The following PACS2 variants were observed in gnomAD, a reference collection of about 807,000 sequenced individuals.
PACS2 encodes the protein PACS1-like protein.
Under a neutral mutation model 113.0 loss-of-function variants are expected in PACS2, and 36 were observed. The observed-to-expected ratio is 0.32, with a 90% CI of 0.24 to 0.42. PACS2 has a LOEUF of 0.42. PACS2 is among the 10% of genes least tolerant of loss of function. The pLI is 1.00. For synonymous variants in PACS2, 589 were observed against 536.1 expected, an observed-to-expected ratio of 1.10 and a Z score of -1.36; for missense variants, 1,015 against 1,239.5, an observed-to-expected ratio of 0.82 and a Z score of 2.72.
chr14:105,384,375 C>T lies in PACS2; in HGVS notation c.1803C>T (p.Tyr601=). The T allele has an allele frequency of 6.2e-7, 1 of 1,611,654 alleles. No individual in the cohort carries two copies. The highest frequency in any genetic ancestry group is 8.5e-7 in the Non-Finnish European group (1 of 1,179,356). Residue 601 remains tyrosine, a synonymous_variant, in exon 17 of 25, where the codon TAC becomes TAT. Transcript: ENST00000447393. ...IPLGSHPVAR[Y]LGSVDYRYNN... ...CAGGCTCCCACCCCGTGGCCAGGTA[C>T]CTAGGCTCCGTGGACTACCGCTACA...
At position 105,365,098 on chromosome 14, in the gene PACS2, G is replaced by A. The variant is rs1289870952; in HGVS notation, c.424-2115G>A. 6.6e-6 allele frequency among the ~76,000 whole-genome samples: 1 copy of A among 152,226 alleles called. No homozygotes were observed. Among genetic ancestry groups the A allele is most frequent in the African/African-American group, 2.4e-5 (1 of 41,472 alleles). The stretch of plus-strand genomic sequence containing the variant: ...CTGGGCCCTGGGGCCACCCTCCCTG[G>A]TGAGGCAGCTCCAGCCCTTTGCTGA... On this transcript the variant is annotated intron_variant, in intron 4 of 24. Transcript: ENST00000447393. The surrounding 1 kb of genome is among the most constrained non-coding windows in gnomAD (Gnocchi z 5.1).
At chr14:105,313,067 G>A (rs935653885), upstream of PACS2, among the ~76,000 whole-genome samples, 2 of 152,190 alleles carry the variant, frequency 1.3e-5, no homozygotes, top group Non-Finnish European at 2.9e-5. Flanking sequence ...GCTCAATGGT[G>A]GCAGCTGGTG....
Position 105,348,577 on chromosome 14 carries a change from G to T in PACS2, c.204G>T (p.Met68Ile). 1 of 1,608,394 alleles carries T rather than the reference G, an allele frequency of 6.2e-7. No homozygotes were observed. The highest frequency in any genetic ancestry group is 1.1e-5 in the South Asian group (1 of 91,004). Reference protein sequence around the residue: ...ELISVVIAVKMQGSKRILRSH... With the variant: ...ELISVVIAVKIQGSKRILRSH... Reference sequence around the variant, plus strand: ...TCTCCGTGGTGATCGCTGTCAAGATGCAGGTGAGGCCGCTTGTGACCCCGG... The same window carrying T: ...TCTCCGTGGTGATCGCTGTCAAGATTCAGGTGAGGCCGCTTGTGACCCCGG... Residue 68 changes from methionine (M) to isoleucine (I), a missense_variant, in exon 2 of 25, where the codon ATG becomes ATT. Coordinates refer to ENST00000447393, the MANE Select transcript of PACS2 (RefSeq NM_001100913.3). This position sits in a 1 kb window ranked among gnomAD's most constrained non-coding sequence, Gnocchi z 6.4.
Position 105,365,280 on chromosome 14 carries a change from T to C in PACS2, c.424-1933T>C, listed in dbSNP as rs1276030670. ...GCCCAGCTCAGGGGTGGCTGGCCCC[T>C]TGGCAGGAGGACGCACGCCCCAAGG... On this transcript the variant is annotated intron_variant, in intron 4 of 24. Transcript: ENST00000447393. The surrounding 1 kb of genome is among the most constrained non-coding windows in gnomAD (Gnocchi z 5.1). Among the ~76,000 whole-genome samples the C allele has an allele frequency of 6.6e-6, 1 of 152,172 alleles. No homozygotes were observed. The highest frequency in any genetic ancestry group is 1.5e-5 in the Non-Finnish European group (1 of 68,018).
chr14:105,383,623 G>T, intron 16 of PACS2, 110 bp downstream of exon 16: 3 of 972,106 alleles, frequency 3.1e-6, no homozygotes, highest in Non-Finnish European at 4.5e-6. Context: ...GGCGTGGCGC[G>T]GTGTGTCGTG....
rs199981841 is a variant in PACS2 at position 105,391,257 on chromosome 14, C to T, written c.2119+8C>T. The T allele has an allele frequency of 1.7e-5, 27 of 1,609,460 alleles. No individual in the cohort carries two copies. Among genetic ancestry groups the T allele is most frequent in the African/African-American group, 1.5e-4 (11 of 74,980 alleles). On this transcript the variant is annotated splice_region_variant and intron_variant, in intron 21 of 24. Transcript: ENST00000447393. ...CATCCTCGGCCACATCAGGTAACCC[C>T]GTCCCACCCTGAGGCCTTGTGAGTG...
intron 4 of PACS2, among the ~76,000 whole-genome samples, chr14:105,363,257 G>T (rs2060801247): frequency 6.6e-6 from 1 of 152,158 alleles, no homozygotes; most frequent in Non-Finnish European, 1.5e-5. Flanking sequence ...AAGCTTTGAG[G>T]CCAGGCATCG....
intron 24 of PACS2, chr14:105,394,322 C>T (rs1045450827): frequency 8.0e-5 from 79 of 985,182 alleles, no homozygotes; most frequent in Non-Finnish European, 9.3e-5. Flanking sequence ...CTGCCCTCCC[C>T]ACCCCCCAGG....
intron 11 of PACS2, among the ~76,000 whole-genome samples, chr14:105,380,622 G>A (rs782310371): frequency 5.9e-5 from 9 of 152,066 alleles, no homozygotes; most frequent in East Asian, 1.9e-4. Flanking sequence ...CAGGGCCCCC[G>A]GACTCCCCCC....
chr14:105,382,852 A>G lies in PACS2; in HGVS notation c.1564A>G (p.Thr522Ala), dbSNP rs587696332. The change falls in exon 15 of 25, where the codon ACG becomes GCG. Residue 522 changes from threonine to alanine, a missense_variant. This residue lies in a region of PACS2 where 859 missense variants were observed against 1,056.8 expected (regional missense o/e 0.81). Transcript: ENST00000447393. ...GAGGCACACGCTCCCCGTGGTGTGC[A>G]CGTGCTCTCCTGCGGACGTCCAGGC... The part of the protein sequence containing the change: ...LQRHTLPVVC[T>A]CSPADVQAAF... 1 of 1,607,670 alleles carries G rather than the reference A, an allele frequency of 6.2e-7. No individual in the cohort carries two copies. Among genetic ancestry groups the G allele is most frequent in the East Asian group, 2.2e-5 (1 of 44,880 alleles).
At chr14:105,387,542 T>C (rs3935441) in intron 19 of PACS2, among the ~76,000 whole-genome samples, 7,792 of 152,032 alleles carry the variant, frequency 0.051, 651 homozygotes, top group African/African-American at 0.18. Flanking sequence ...TCCACAGACA[T>C]GTGTGTGCCT....
chr14:105,387,072 G>A (rs1401197253), intron 19 of PACS2, among the ~76,000 whole-genome samples: 3 of 152,198 alleles, frequency 2.0e-5, no homozygotes, highest in Non-Finnish European at 2.9e-5. Context: ...TTGCAGGGGT[G>A]ACACTGGCTG....
Position 105,382,870 on chromosome 14 carries a change from G to T in PACS2, c.1582G>T (p.Val528Phe). ...GGTGTGCACGTGCTCTCCTGCGGAC[G>T]TCCAGGCGGCCTTCAGCACCATCGT... ...PVVCTCSPADVQAAFSTIVSR... is the reference protein window; with the variant it reads ...PVVCTCSPADFQAAFSTIVSR... The change falls in exon 15 of 25, where the codon GTC becomes TTC. Residue 528 changes from valine (V) to phenylalanine (F), a missense_variant. By Grantham distance (50) the Val-to-Phe change is conservative. This residue lies in a region of PACS2 where 859 missense variants were observed against 1,056.8 expected (regional missense o/e 0.81). Coordinates refer to ENST00000447393, the MANE Select transcript of PACS2 (RefSeq NM_001100913.3). The T allele has an allele frequency of 6.2e-7, 1 of 1,607,346 alleles. No homozygotes were observed.
Position 105,394,983 on chromosome 14 carries a change from T to C in PACS2, c.*311T>C. ...GAGCCTCACAGGCTGAGTTCTTGCC[T>C]CTGTGTCCTGTCCTTCCTGGAAGTC... On this transcript the variant is annotated 3_prime_UTR_variant, in exon 25 of 25. Coordinates refer to ENST00000447393, the MANE Select transcript of PACS2 (RefSeq NM_001100913.3). 3.1e-6 allele frequency: 1 copy of C among 321,734 alleles called. No individual in the cohort carries two copies. The highest frequency in any genetic ancestry group is 6.0e-6 in the Non-Finnish European group (1 of 167,094). The allele number at this position is 321,734 out of a possible 1,614,324, so 19.9% of individuals were successfully genotyped here.
At chr14:105,310,641 G>A (rs981513051), upstream of PACS2, among the ~76,000 whole-genome samples, 7 of 151,850 alleles carry the variant, frequency 4.6e-5, no homozygotes, top group East Asian at 1.9e-4. Flanking sequence ...CCCTTTGCAC[G>A]TTTGGTTTTT....
chr14:105,373,104 C>A (rs947353548), intron 8 of PACS2, among the ~76,000 whole-genome samples: 2 of 152,172 alleles, frequency 1.3e-5, no homozygotes, highest in Non-Finnish European at 2.9e-5. Context: ...GGAAAGATGT[C>A]ATATGTTCAT....
rs1271679620 is a variant in PACS2, at chr14:105,356,211, G to A, written c.423+1034G>A. Among the ~76,000 whole-genome samples the A allele has an allele frequency of 6.6e-6, 1 of 152,086 alleles. No individual in the cohort carries two copies. The highest frequency in any genetic ancestry group is 1.5e-5 in the Non-Finnish European group (1 of 67,994). On this transcript the variant is annotated intron_variant, in intron 4 of 24. Transcript: ENST00000447393. This position sits in a 1 kb window ranked among gnomAD's most constrained non-coding sequence, Gnocchi z 4.0. ...AGGCCTCCTGTCTCCCAGGTCAAGCGCTAGGTCCCCCAGATCCTCACACAC... is the reference window on the plus strand; with the variant it reads ...AGGCCTCCTGTCTCCCAGGTCAAGCACTAGGTCCCCCAGATCCTCACACAC...
intron 2 of PACS2, among the ~76,000 whole-genome samples, chr14:105,351,638 G>C (rs1324179550): frequency 6.6e-6 from 1 of 152,184 alleles, no homozygotes; most frequent in Non-Finnish European, 1.5e-5. Flanking sequence ...AGGAGTTGGA[G>C]ACCAGTCTGG....
chr14:105,307,347 A>G (rs1040770853), intron 1 of PACS2, among the ~76,000 whole-genome samples: 1 of 152,132 alleles, frequency 6.6e-6, no homozygotes, highest in African/African-American at 2.4e-5. Context: ...ACCACCCCCA[A>G]GCCCAGAGCC....
Sources: gnomAD v4.1 joint callset for allele counts (sites outside exome capture counted in the v4.1 genomes callset) on GRCh38, gnomAD v4.1.1 for gene constraint, gnomAD v4.1.1 regional missense constraint, Gnocchi (gnomAD v3.1) non-coding constraint, MANE v1.5 for transcripts, NCBI Gene and HGNC (gene_info 2026-07-23, HGNC 2026-07-21) for gene names.